Variants in RORA observed in about 807,000 individuals in gnomAD.
RORA encodes nuclear receptor ROR-alpha.
RORA carries 7 observed loss-of-function variants against 69.5 expected under a neutral mutation model. The observed-to-expected ratio is 0.10, with a 90% CI of 0.06 to 0.19. RORA has a LOEUF of 0.19. Among genes scored for constraint, RORA ranks in the 10% least tolerant of loss-of-function variants. The pLI is 1.00. For missense variants in RORA, 457 were observed against 663.0 expected, an observed-to-expected ratio of 0.69 and a Z score of 3.41; for synonymous variants, 261 against 240.8, an observed-to-expected ratio of 1.08 and a Z score of -0.78.
intron 1 of RORA, among the ~76,000 whole-genome samples, chr15:61,053,581 G>C (rs1363605372): frequency 6.6e-6 from 1 of 151,956 alleles, no homozygotes; most frequent in Non-Finnish European, 1.5e-5. Flanking sequence ...CCTGGACCTG[G>C]ATCTGGATCT....
chr15:60,502,971 G>A, intron 7 of RORA, 104 bp from the exon 8 acceptor site: 1 of 814,736 alleles, frequency 1.2e-6, no homozygotes, highest in Non-Finnish European at 2.2e-6. Flanking sequence ...AGCATGGTGG[G>A]TGTCGTGTGC....
chr15:60,822,107 G>C (rs1304931166), intron 1 of RORA, among the ~76,000 whole-genome samples: 2 of 152,206 alleles, frequency 1.3e-5, no homozygotes, highest in African/African-American at 4.8e-5. Flanking sequence ...ATGAAACAAG[G>C]TTTGGTGGTA....
At chr15:60,530,359 A>G (rs890959495) in intron 3 of RORA, 2 of 152,258 alleles carry the variant, frequency 1.3e-5, no homozygotes, top group African/African-American at 2.4e-5. Context: ...TGGTGTGATC[A>G]TAGCTCACTG....
chr15:60,709,911 G>A (rs1263917086), intron 1 of RORA, among the ~76,000 whole-genome samples: 1 of 152,156 alleles, frequency 6.6e-6, no homozygotes, highest in Non-Finnish European at 1.5e-5. Context: ...CAAAAAGGTT[G>A]GGGACTGTTG....
At chr15:60,980,420 T>C (rs1488152718) in intron 1 of RORA, among the ~76,000 whole-genome samples, 1 of 152,178 alleles carries the variant, frequency 6.6e-6, no homozygotes, top group African/African-American at 2.4e-5. Flanking sequence ...GTGTTCCCTC[T>C]GCTATTTTTT....
chr15:60,629,328 A>C (rs2069678987), intron 2 of RORA, among the ~76,000 whole-genome samples: 1 of 151,472 alleles, frequency 6.6e-6, no homozygotes, highest in South Asian at 2.1e-4. Flanking sequence ...CTGGGATTAT[A>C]GGCATGCACC....
chr15:61,190,476 G>A (rs960424009), intron 1 of RORA, among the ~76,000 whole-genome samples: 10 of 152,150 alleles, frequency 6.6e-5, no homozygotes, highest in African/African-American at 2.4e-4. Flanking sequence ...TTCAAAGGAC[G>A]CTGGGCATGG....
chr15:60,775,227 A>G (rs564638879), intron 1 of RORA, among the ~76,000 whole-genome samples: 176 of 152,254 alleles, frequency 1.2e-3, no homozygotes, highest in Non-Finnish European at 1.8e-3. Context: ...TCCAAGCTGC[A>G]AAAGATTAGA....
intron 1 of RORA, among the ~76,000 whole-genome samples, chr15:61,095,738 TGG>T (rs2078779969): frequency 6.6e-6 from 1 of 152,220 alleles, no homozygotes; most frequent in Non-Finnish European, 1.5e-5. Context: ...TTGTTCGAGG[TGG>T]AGTGCTGGGG....
intron 1 of RORA, among the ~76,000 whole-genome samples, chr15:61,032,736 C>T (rs888649420): frequency 2.2e-4 from 34 of 152,168 alleles, no homozygotes; most frequent in Admixed American, 2.1e-3. Context: ...CAAGAATTAT[C>T]TTCATACAAG....
chr15:60,627,150 A>G, intron 2 of RORA: 1 of 1,167,542 alleles, frequency 8.6e-7, no homozygotes, highest in Non-Finnish European at 1.3e-6. Context: ...TGGAGAACTG[A>G]CTTTAAGCCA....
Position 60,690,833 on chromosome 15 carries a change from TC to T in RORA, c.167-12148del, listed in dbSNP as rs1169910727. On this transcript the variant is annotated intron_variant, in intron 1 of 10. Transcript: ENST00000335670. ...CTGAGGCCTGGACGCGTTGAAGTCT[TC>T]CTGTTACCATACAGGACACCTCAAC... 3.9e-5 allele frequency among the ~76,000 whole-genome samples: 6 copies of T among 152,284 alleles called. No individual in the cohort carries two copies. The East Asian group carries it at 9.6e-4, about 24-fold the overall frequency.
rs575323767 is a variant in RORA at position 61,013,909 on chromosome 15, G to A, written c.166+215144C>T. Among the ~76,000 whole-genome samples, 10 of 149,068 alleles carry A rather than the reference G, an allele frequency of 6.7e-5. 1 individual carries two copies. Among genetic ancestry groups the A allele is most frequent in the South Asian group, 2.2e-4 (1 of 4,630 alleles). ...CGCCATTATCCTGCCTCAGCCTCCCGAGTAGCTGCGTCTACAGGCGCCCGC... is the reference window on the plus strand; with the variant it reads ...CGCCATTATCCTGCCTCAGCCTCCCAAGTAGCTGCGTCTACAGGCGCCCGC... On this transcript the variant is annotated intron_variant, in intron 1 of 10. Coordinates refer to ENST00000335670, the MANE Select transcript of RORA (RefSeq NM_134261.3).
At chr15:60,945,597 C>T (rs913221501) in intron 1 of RORA, among the ~76,000 whole-genome samples, 8 of 152,126 alleles carry the variant, frequency 5.3e-5, no homozygotes, top group Non-Finnish European at 1.0e-4. Context: ...GCTCCCCATC[C>T]CTGCCATGCA....
At chr15:60,781,821 T>C (rs1239321398) in intron 1 of RORA, among the ~76,000 whole-genome samples, 1 of 152,242 alleles carries the variant, frequency 6.6e-6, no homozygotes, top group Non-Finnish European at 1.5e-5. Context: ...TTTCCCACTT[T>C]GTTCTACAAT....
At chr15:60,614,303 G>A (rs1033339204) in intron 2 of RORA, among the ~76,000 whole-genome samples, 1 of 152,138 alleles carries the variant, frequency 6.6e-6, no homozygotes, top group African/African-American at 2.4e-5. Flanking sequence ...CTGGGGAGGA[G>A]GAAGGAAGGA....
chr15:60,558,110 G>A, intron 2 of RORA: 1 of 608,158 alleles, frequency 1.6e-6, no homozygotes, highest in South Asian at 2.8e-5. Flanking sequence ...CAAGATTTTT[G>A]TCTAGAAGTA....
chr15:60,511,827 G>T lies in RORA; in HGVS notation c.425-206C>A, dbSNP rs970219661. Among the ~76,000 whole-genome samples, 2 of 152,086 alleles carry T rather than the reference G, an allele frequency of 1.3e-5. No homozygotes were observed. The highest frequency in any genetic ancestry group is 2.9e-5 in the Non-Finnish European group (2 of 68,014). On this transcript the variant is annotated intron_variant, in intron 4 of 10. Transcript: ENST00000335670. The surrounding 1 kb of genome is among the most constrained non-coding windows in gnomAD (Gnocchi z 6.4). ...CCCAACAGCAAACACACATCCCAGA[G>T]AAACTCATGTTTCAGAAAGAGGCCT...
intron 1 of RORA, among the ~76,000 whole-genome samples, chr15:60,774,132 G>A (rs535231048): frequency 3.9e-5 from 6 of 152,224 alleles, no homozygotes; most frequent in Non-Finnish European, 5.9e-5. Flanking sequence ...AGGACCTGGC[G>A]GACACCCACA....
Sources: allele counts gnomAD v4.1 joint callset (sites outside exome capture counted in the v4.1 genomes callset), GRCh38; gene constraint gnomAD v4.1.1; non-coding constraint Gnocchi (gnomAD v3.1); transcripts MANE v1.5; gene names NCBI Gene and HGNC (gene_info 2026-07-23, HGNC 2026-07-21).